The following PACSIN1 variants were observed in gnomAD, a reference collection of about 807,000 sequenced individuals.
The protein encoded by PACSIN1 is protein kinase C and casein kinase substrate in neurons protein 1.
In PACSIN1, 15 loss-of-function variants were observed where a neutral mutation model predicts 59.5. The ratio of observed to expected loss-of-function variants is 0.25; its 90% CI spans 0.17 to 0.39. The LOEUF (loss-of-function observed/expected upper bound fraction) is 0.39. Ranked by LOEUF, PACSIN1 falls within the 10% of genes least tolerant of loss-of-function variation. The pLI is 1.00. For missense variants in PACSIN1, 420 were observed against 580.2 expected (o/e 0.72, Z 2.84); for synonymous variants, 210 against 220.6 (o/e 0.95, Z 0.42).
intron 1 of PACSIN1, among the ~76,000 whole-genome samples, chr6:34,476,352 C>T (rs1253616000): frequency 6.6e-6 from 1 of 152,220 alleles, no homozygotes; most frequent in Non-Finnish European, 1.5e-5. Context: ...TGTGATAGAG[C>T]TGGGATTCGA....
intron 1 of PACSIN1, among the ~76,000 whole-genome samples, chr6:34,494,153 A>T (rs766728478): frequency 1.9e-4 from 29 of 152,284 alleles, no homozygotes; most frequent in South Asian, 8.3e-4. Context: ...TGTTAGTTTT[A>T]TTGGCCTATC....
rs1366596885 is a variant in PACSIN1, at chr6:34,529,622, A to G, written c.613-44A>G. ...GCAGAGGGTGGTGGCTGGGAGCTGC[A>G]GGCCTGGCTAGGTGTCACCCTCTCT... On this transcript the variant is annotated intron_variant, in intron 5 of 9. Transcript: ENST00000244458. The surrounding 1 kb of genome is among the most constrained non-coding windows in gnomAD (Gnocchi z 6.3). 4.3e-6 allele frequency: 7 copies of G among 1,612,252 alleles called. No homozygotes were observed. In the Admixed American group the frequency reaches 1.0e-4, roughly 23 times the overall value.
Position 34,532,369 on chromosome 6 carries a change from T to A in PACSIN1, c.1226-52T>A. ...AGGGTTCCCCTAGCAGCCGGTGCGT[T>A]GAGGGAGGGGCAGCCTTCTCTCTGA... On this transcript the variant is annotated intron_variant, in intron 9 of 9. Transcript: ENST00000244458. This position sits in a 1 kb window ranked among gnomAD's most constrained non-coding sequence, Gnocchi z 5.2. 3.2e-6 allele frequency: 4 copies of A among 1,255,326 alleles called. No homozygotes were observed. Among genetic ancestry groups the A allele is most frequent in the Non-Finnish European group, 4.6e-6 (4 of 878,476 alleles). The allele number at this position is 1,255,326 out of a possible 1,614,324, so 77.8% of individuals were successfully genotyped here.
chr6:34,519,448 G>C (rs181560832), intron 1 of PACSIN1, among the ~76,000 whole-genome samples: 1 of 152,284 alleles, frequency 6.6e-6, no homozygotes, highest in South Asian at 2.1e-4. Context: ...CAAAGAGAAA[G>C]CAAGAGGAAG....
chr6:34,476,454 G>A (rs1766640334), intron 1 of PACSIN1, among the ~76,000 whole-genome samples: 1 of 144,440 alleles, frequency 6.9e-6, no homozygotes, highest in South Asian at 2.1e-4. Context: ...CAGGATATCT[G>A]GTGTCACCTC....
chr6:34,510,455 T>C (rs1767183293), intron 1 of PACSIN1, among the ~76,000 whole-genome samples: 1 of 152,220 alleles, frequency 6.6e-6, no homozygotes, highest in South Asian at 2.1e-4. Context: ...TCTGTCTGGC[T>C]TGCTCTACCT....
intron 3 of PACSIN1, 197 bp downstream of exon 3, chr6:34,527,685 A>T (rs1401828969): frequency 2.6e-5 from 4 of 153,514 alleles, no homozygotes; most frequent in Non-Finnish European, 4.4e-5. Flanking sequence ...AGGTTGAATT[A>T]AAAAAAAAAA....
At chr6:34,480,477 C>T (rs965214468) in intron 1 of PACSIN1, among the ~76,000 whole-genome samples, 13 of 152,114 alleles carry the variant, frequency 8.5e-5, no homozygotes, top group African/African-American at 2.7e-4. Flanking sequence ...CTGCCCACCT[C>T]GGCCTCCCAA....
intron 1 of PACSIN1, among the ~76,000 whole-genome samples, chr6:34,505,631 CT>C (rs35588714): frequency 9.4e-5 from 10 of 106,402 alleles, no homozygotes; most frequent in East Asian, 5.3e-4. Flanking sequence ...TACCTCCATA[CT>C]TTTTTTTTTT....
At position 34,516,010 on chromosome 6, in the gene PACSIN1, C is replaced by T. The variant is rs1368518299; in HGVS notation, c.-63-10233C>T. On this transcript the variant is annotated intron_variant, in intron 1 of 9. Transcript: ENST00000244458. The surrounding 1 kb of genome is among the most constrained non-coding windows in gnomAD (Gnocchi z 5.4). The stretch of plus-strand genomic sequence containing the variant: ...TGGGGCACACCTGGTCCAGTTTTGC[C>T]CTGAATGGAGCTGAGCCACCTTGGG... Among the ~76,000 whole-genome samples the T allele has an allele frequency of 1.3e-5, 2 of 152,098 alleles. No homozygotes were observed. Among genetic ancestry groups the T allele is most frequent in the Admixed American group, 6.5e-5 (1 of 15,278 alleles).
chr6:34,508,253 G>A (rs1398144257), intron 1 of PACSIN1, among the ~76,000 whole-genome samples: 9 of 152,066 alleles, frequency 5.9e-5, no homozygotes, highest in East Asian at 3.9e-4. Flanking sequence ...ACAGACATGC[G>A]CCACCACACC....
chr6:34,507,519 G>A (rs1314273553), intron 1 of PACSIN1, among the ~76,000 whole-genome samples: 1 of 151,484 alleles, frequency 6.6e-6, no homozygotes, highest in Non-Finnish European at 1.5e-5. Context: ...TCTCTTGCTC[G>A]GCATGATGTC....
intron 2 of PACSIN1, 145 bp from the exon 3 acceptor site, chr6:34,527,186 CG>C (rs1194069808): frequency 7.5e-6 from 5 of 664,846 alleles, no homozygotes; most frequent in Non-Finnish European, 9.7e-6. Flanking sequence ...CGCCGCGGGG[CG>C]GGGGGCGGGG....
chr6:34,480,633 AAAGTT>A (rs200171956), intron 1 of PACSIN1, among the ~76,000 whole-genome samples: 3,471 of 152,284 alleles, frequency 0.023, 138 homozygotes, highest in African/African-American at 0.074. Flanking sequence ...TCTACTGTGA[AAAGTT>A]CTGCTGGCTT....
intron 1 of PACSIN1, among the ~76,000 whole-genome samples, chr6:34,482,824 C>T (rs903287915): frequency 8.6e-5 from 13 of 151,644 alleles, no homozygotes; most frequent in African/African-American, 2.7e-4. Flanking sequence ...GCTGGGATTA[C>T]AGGCGCCTGC....
chr6:34,524,556 T>C (rs866225605), intron 1 of PACSIN1, among the ~76,000 whole-genome samples: 30 of 152,208 alleles, frequency 2.0e-4, no homozygotes, highest in African/African-American at 7.0e-4. Context: ...TTTAGTGATA[T>C]GGTCTGGGGA....
At position 34,516,685 on chromosome 6, in the gene PACSIN1, C is replaced by T. The variant is rs540681937; in HGVS notation, c.-63-9558C>T. On this transcript the variant is annotated intron_variant, in intron 1 of 9. Coordinates refer to ENST00000244458, the MANE Select transcript of PACSIN1 (RefSeq NM_020804.5). This position sits in a 1 kb window ranked among gnomAD's most constrained non-coding sequence, Gnocchi z 5.4. ...CCCCGACCTCCAGCCCCTGGCCTGC[C>T]TCCTCTAGGCCCGGGCCCCTCCCTG... Among the ~76,000 whole-genome samples, 58 of 152,300 alleles carry T rather than the reference C, an allele frequency of 3.8e-4. 1 individual carries two copies. The highest frequency in any genetic ancestry group is 3.7e-3 in the Admixed American group (57 of 15,304).
Position 34,531,841 on chromosome 6 carries a change from G to A in PACSIN1, c.1225+54G>A. The A allele has an allele frequency of 6.7e-7, 1 of 1,495,468 alleles. No homozygotes were observed. The highest frequency in any genetic ancestry group is 9.0e-7 in the Non-Finnish European group (1 of 1,112,392). 92.6% of individuals were successfully genotyped at this position (1,495,468 alleles called of 1,614,324 possible). A position where few individuals can be genotyped will look rare whatever the true frequency, so the allele number is the denominator to read the frequency against. ...AGAGAGGCTTGGGCCTGGATTGGGT[G>A]TGTGGTGGTGCAGGGGCGGTGCCTG... is the stretch of plus-strand genomic sequence containing the variant. On this transcript the variant is annotated intron_variant, in intron 9 of 9. Coordinates refer to ENST00000244458, the MANE Select transcript of PACSIN1 (RefSeq NM_020804.5). The surrounding 1 kb of genome is among the most constrained non-coding windows in gnomAD (Gnocchi z 4.4).
intron 1 of PACSIN1, among the ~76,000 whole-genome samples, chr6:34,482,937 T>C (rs1287384634): frequency 1.3e-5 from 2 of 151,914 alleles, no homozygotes; most frequent in Non-Finnish European, 2.9e-5. Flanking sequence ...TCTGCCCACT[T>C]TGGCTTCCCA....
Sources: allele counts gnomAD v4.1 joint callset (sites outside exome capture counted in the v4.1 genomes callset), GRCh38; gene constraint gnomAD v4.1.1; non-coding constraint Gnocchi (gnomAD v3.1); transcripts MANE v1.5; gene names NCBI Gene and HGNC (gene_info 2026-07-23, HGNC 2026-07-21).